The following TANGO6 variants were observed in gnomAD, a reference collection of about 807,000 sequenced individuals.
TANGO6 encodes transport and golgi organization 6 homolog, also known as transport and Golgi organization protein 6 homolog.
A neutral mutation model predicts 114.2 loss-of-function variants in TANGO6; 90 were observed. The ratio of observed to expected loss-of-function variants is 0.79; its 90% confidence interval spans 0.66 to 0.94. TANGO6 has a LOEUF of 0.94. TANGO6 is among the 40% of genes least tolerant of loss of function. TANGO6 has a pLI of 0.00. For synonymous variants in TANGO6, 477 were observed against 509.8 expected, an observed-to-expected ratio of 0.94 and a Z score of 0.87; for missense variants, 1,274 against 1,315.3, an observed-to-expected ratio of 0.97 and a Z score of 0.49.
intron 17 of TANGO6, among the ~76,000 whole-genome samples, chr16:69,058,791 G>A (rs973797060): frequency 2.0e-5 from 3 of 151,142 alleles, no homozygotes; most frequent in African/African-American, 4.9e-5. Context: ...TTAGCCTCTC[G>A]AGTAGCTGGG....
At chr16:68,878,034 T>C in intron 5 of TANGO6, 84 bp from the exon 6 acceptor site, 1 of 1,206,748 alleles carries the variant, frequency 8.3e-7, no homozygotes, top group Non-Finnish European at 1.1e-6. Flanking sequence ...TTTTTTGTCT[T>C]AAAGAAATTC....
intron 14 of TANGO6, among the ~76,000 whole-genome samples, chr16:68,958,215 G>C (rs1963553229): frequency 6.6e-6 from 1 of 151,330 alleles, no homozygotes; most frequent in African/African-American, 2.4e-5. Flanking sequence ...TGTATGAGCC[G>C]GGTGCAGTCA....
chr16:68,846,430 T>C (rs752268197), intron 1 of TANGO6: 21 of 280,160 alleles, frequency 7.5e-5, no homozygotes, highest in African/African-American at 1.2e-4. Flanking sequence ...CACATAGATA[T>C]GTAACTGGAA....
intron 7 of TANGO6, among the ~76,000 whole-genome samples, chr16:68,884,958 G>T (rs1962519606): frequency 6.6e-6 from 1 of 152,210 alleles, no homozygotes; most frequent in Non-Finnish European, 1.5e-5. Context: ...AAACTAAGAG[G>T]GGTGGAAGGG....
At chr16:68,965,163 T>G (rs192429928) in intron 14 of TANGO6, among the ~76,000 whole-genome samples, 75 of 151,868 alleles carry the variant, frequency 4.9e-4, no homozygotes, top group African/African-American at 1.7e-3. Context: ...TTTTTGTTTG[T>G]TTTTTTTATT....
chr16:68,937,564 T>G (rs1963312109), intron 14 of TANGO6: 1 of 152,190 alleles, frequency 6.6e-6, no homozygotes, highest in Non-Finnish European at 1.5e-5. Flanking sequence ...CCCCAACCCC[T>G]GGCAACCACT....
At chr16:68,966,320 A>G (rs1169217057) in intron 14 of TANGO6, among the ~76,000 whole-genome samples, 5 of 152,120 alleles carry the variant, frequency 3.3e-5, no homozygotes, top group Non-Finnish European at 5.9e-5. Flanking sequence ...CCAGACCAAC[A>G]TGGTGAAACC....
chr16:68,888,463 G>A (rs1281113215), intron 7 of TANGO6, among the ~76,000 whole-genome samples: 1 of 152,124 alleles, frequency 6.6e-6, no homozygotes, highest in Non-Finnish European at 1.5e-5. Context: ...TGGGGAAAAC[G>A]TTTCCTTTTA....
intron 17 of TANGO6, among the ~76,000 whole-genome samples, chr16:69,053,517 T>C (rs1597073357): frequency 6.6e-6 from 1 of 152,322 alleles, no homozygotes; most frequent in African/African-American, 2.4e-5. Flanking sequence ...TCAGGTAATC[T>C]AACAGCTTCA....
intron 14 of TANGO6, among the ~76,000 whole-genome samples, chr16:68,942,438 C>A (rs566483700): frequency 5.9e-5 from 9 of 152,028 alleles, no homozygotes; most frequent in Admixed American, 1.3e-4. Context: ...AATGTAAAGT[C>A]TTTTTCTTTA....
At chr16:68,958,056 C>T (rs980220597) in intron 14 of TANGO6, among the ~76,000 whole-genome samples, 1 of 151,704 alleles carries the variant, frequency 6.6e-6, no homozygotes, top group Admixed American at 6.6e-5. Context: ...CCTGTAATCC[C>T]ACCTACTTGG....
chr16:69,014,801 C>T (rs987400034), intron 15 of TANGO6, among the ~76,000 whole-genome samples: 1 of 150,298 alleles, frequency 6.7e-6, no homozygotes, highest in Non-Finnish European at 1.5e-5. Context: ...GAGGCTAAAG[C>T]AAGAGGATCT....
chr16:68,875,243 C>T lies in TANGO6; in HGVS notation c.1084C>T (p.Gln362Ter). The T allele has an allele frequency of 6.2e-7, 1 of 1,613,794 alleles. No homozygotes were observed. The change falls in exon 5 of 18, where the codon CAG becomes TAG. Residue 362 changes from glutamine to a stop codon, truncating the protein, a stop_gained. Coordinates refer to ENST00000261778, the MANE Select transcript of TANGO6 (RefSeq NM_024562.2). LOFTEE classifies it high-confidence loss of function. ...LIAKILASCP[Q>*]QSLSPENYYR... is the part of the protein sequence containing the mutation. ...CGCAAAGATTTTGGCCTCTTGTCCC[C>T]AGCAGTCTCTTTCACCAGAGAATTA... is the stretch of plus-strand genomic sequence containing the variant.
intron 14 of TANGO6, among the ~76,000 whole-genome samples, chr16:68,935,910 G>T (rs1265461122): frequency 6.6e-6 from 1 of 152,212 alleles, no homozygotes; most frequent in Non-Finnish European, 1.5e-5. Flanking sequence ...GCTAGGCTCA[G>T]TGACTCATGC....
intron 15 of TANGO6, among the ~76,000 whole-genome samples, chr16:68,996,385 A>G (rs1218841303): frequency 1.3e-5 from 2 of 152,206 alleles, no homozygotes; most frequent in African/African-American, 2.4e-5. Context: ...GTGGCAATAA[A>G]TTGTATTCAT....
Position 68,964,260 on chromosome 16 carries a change from A to G in TANGO6, c.2702-9768A>G, listed in dbSNP as rs541035007. Among the ~76,000 whole-genome samples the G allele has an allele frequency of 7.9e-5, 12 of 152,216 alleles. No homozygotes were observed. In the South Asian group the frequency reaches 2.5e-3, roughly 32 times the overall value. On this transcript the variant is annotated intron_variant, in intron 14 of 17. Transcript: ENST00000261778. ...TTGAAACATCACCATGTACCCTATG[A>G]ATATGTACAATTATTATTTGCCAAT...
At chr16:68,851,347 A>G (rs7200048) in intron 1 of TANGO6, among the ~76,000 whole-genome samples, 28,415 of 151,910 alleles carry the variant, frequency 0.19, 2,626 homozygotes, top group African/African-American at 0.19. Context: ...TTTAGTAGAG[A>G]CAGGGTTTCA....
intron 9 of TANGO6, among the ~76,000 whole-genome samples, chr16:68,906,748 C>T (rs574432665): frequency 3.5e-4 from 53 of 151,962 alleles, no homozygotes; most frequent in Admixed American, 5.3e-4. Context: ...CAGCTAATAT[C>T]CATCTTCATG....
At chr16:69,031,145 G>A (rs1476958555) in intron 16 of TANGO6, among the ~76,000 whole-genome samples, 1 of 151,876 alleles carries the variant, frequency 6.6e-6, no homozygotes, top group Non-Finnish European at 1.5e-5. Context: ...CACCTTCCTG[G>A]CAAACCTCTT....
Sources: allele counts gnomAD v4.1 joint callset (sites outside exome capture counted in the v4.1 genomes callset), GRCh38; gene constraint gnomAD v4.1.1; transcripts MANE v1.5; gene names NCBI Gene and HGNC (gene_info 2026-07-23, HGNC 2026-07-21).